The following BTBD9 variants were observed in gnomAD, a reference collection of about 807,000 sequenced individuals.
BTBD9 encodes BTB/POZ domain-containing protein 9.
BTBD9 carries 49 observed loss-of-function variants against 64.3 expected under a neutral mutation model. The observed-to-expected ratio is 0.76, with a 90% CI of 0.61 to 0.97. The LOEUF (loss-of-function observed/expected upper bound fraction) is 0.97. BTBD9 is among the 50% of genes least tolerant of loss of function. The probability of loss-of-function intolerance (pLI) is 0.00; values close to 1 mark genes in which losing one functional copy is unlikely to be tolerated. For missense variants in BTBD9, 598 were observed against 762.1 expected, an observed-to-expected ratio of 0.78 and a Z score of 2.53; for synonymous variants, 260 against 274.7, an observed-to-expected ratio of 0.95 and a Z score of 0.53.
intron 6 of BTBD9, among the ~76,000 whole-genome samples, chr6:38,563,311 T>C (rs533551643): frequency 2.6e-4 from 39 of 152,254 alleles, no homozygotes; most frequent in African/African-American, 8.2e-4. Context: ...AGCCTGTATC[T>C]AACAATGCTC....
intron 6 of BTBD9, among the ~76,000 whole-genome samples, chr6:38,498,340 A>T (rs141895635): frequency 6.6e-6 from 1 of 152,154 alleles, no homozygotes; most frequent in South Asian, 2.1e-4. Context: ...AATGCTAAGC[A>T]TATTTCTTCA....
At chr6:38,267,974 A>T (rs1251027918) in intron 8 of BTBD9, among the ~76,000 whole-genome samples, 1 of 152,160 alleles carries the variant, frequency 6.6e-6, no homozygotes, top group East Asian at 1.9e-4. Flanking sequence ...AAACCGAAGG[A>T]GAAATGAGGA....
intron 6 of BTBD9, among the ~76,000 whole-genome samples, chr6:38,418,171 T>C (rs1188951738): frequency 6.6e-6 from 1 of 152,234 alleles, no homozygotes; most frequent in Non-Finnish European, 1.5e-5. Flanking sequence ...ACAAAAGCAT[T>C]GGTATGAGAT....
chr6:38,580,502 A>C, intron 4 of BTBD9, 65 bp from the exon 5 acceptor site: 3 of 1,378,094 alleles, frequency 2.2e-6, no homozygotes, highest in Non-Finnish European at 3.0e-6. Flanking sequence ...TTTTGAAAAA[A>C]ATACAATTCT....
intron 6 of BTBD9, among the ~76,000 whole-genome samples, chr6:38,477,485 TA>T (rs138852357): frequency 1.9e-4 from 29 of 152,200 alleles, no homozygotes; most frequent in Non-Finnish European, 3.5e-4. Context: ...CCTTTATACC[TA>T]AAAAAGCTTG....
At chr6:38,626,601 C>T (rs1778176396) in intron 1 of BTBD9, among the ~76,000 whole-genome samples, 1 of 152,180 alleles carries the variant, frequency 6.6e-6, no homozygotes, top group African/African-American at 2.4e-5. Flanking sequence ...CCAGCTCCAC[C>T]TGAATTAGGT....
chr6:38,205,879 C>CGAAAAAAAAAAAAAAAAAAA (rs1762625649), intron 9 of BTBD9, among the ~76,000 whole-genome samples: 1 of 47,288 alleles, frequency 2.1e-5, no homozygotes, highest in Non-Finnish European at 3.8e-5. Context: ...GAGTCTGTCT[C>CGAAAAAAAAAAAAAAAAAAA]AAAAAAAAAA....
chr6:38,270,879 A>G (rs1023772872), intron 8 of BTBD9, among the ~76,000 whole-genome samples: 1 of 151,942 alleles, frequency 6.6e-6, no homozygotes, highest in Non-Finnish European at 1.5e-5. Flanking sequence ...AGGAGTCCCA[A>G]CTCTGACTCT....
chr6:38,616,222 C>A (rs1777783949), intron 1 of BTBD9, among the ~76,000 whole-genome samples: 1 of 152,124 alleles, frequency 6.6e-6, no homozygotes, highest in African/African-American at 2.4e-5. Context: ...CTGCTACCAA[C>A]CACTGAGCTT....
At chr6:38,328,977 T>C (rs1264392120) in intron 7 of BTBD9, among the ~76,000 whole-genome samples, 1 of 92,612 alleles carries the variant, frequency 1.1e-5, no homozygotes, top group African/African-American at 3.2e-5. Context: ...TATGTGTGTG[T>C]GTGTGTGTGT....
intron 10 of BTBD9, among the ~76,000 whole-genome samples, chr6:38,180,396 A>G (rs976166149): frequency 6.6e-6 from 1 of 152,180 alleles, no homozygotes; most frequent in Non-Finnish European, 1.5e-5. Flanking sequence ...GAGGAGGGTG[A>G]TGGCAGCTTG....
At chr6:38,279,615 C>G (rs16890541) in intron 8 of BTBD9, among the ~76,000 whole-genome samples, 17,435 of 152,046 alleles carry the variant, frequency 0.11, 1,119 homozygotes, top group African/African-American at 0.15. Flanking sequence ...TTTCTGTGAC[C>G]CCGTGTGGCC....
chr6:38,339,690 G>A (rs962853798), intron 7 of BTBD9, among the ~76,000 whole-genome samples: 2 of 152,082 alleles, frequency 1.3e-5, no homozygotes, highest in African/African-American at 2.4e-5. Flanking sequence ...AGAGAGGGCA[G>A]GAATAGAAGC....
intron 6 of BTBD9, among the ~76,000 whole-genome samples, chr6:38,556,540 TGTGTGTGTGTGA>T (rs1257036530): frequency 9.0e-5 from 5 of 55,562 alleles, no homozygotes; most frequent in East Asian, 8.6e-4. Context: ...TGTGTGTGTG[TGTGTGTGTGTGA>T]GAGAGAGAGA....
At chr6:38,256,839 C>T (rs1386750440) in intron 8 of BTBD9, among the ~76,000 whole-genome samples, 1 of 152,182 alleles carries the variant, frequency 6.6e-6, no homozygotes, top group Non-Finnish European at 1.5e-5. Context: ...CCAGTTGGCT[C>T]GGCTGACCAC....
intron 6 of BTBD9, among the ~76,000 whole-genome samples, chr6:38,503,956 T>C (rs538254318): frequency 6.6e-6 from 1 of 152,344 alleles, no homozygotes; most frequent in African/African-American, 2.4e-5. Context: ...TGCTTTATTG[T>C]CTCCATTGCT....
At chr6:38,249,078 A>G (rs1211679101) in intron 9 of BTBD9, among the ~76,000 whole-genome samples, 1 of 152,224 alleles carries the variant, frequency 6.6e-6, no homozygotes, top group Non-Finnish European at 1.5e-5. Flanking sequence ...CATCTGCAAC[A>G]TTAGATACTA....
chr6:38,382,273 T>C (rs1028229697), intron 6 of BTBD9, among the ~76,000 whole-genome samples: 1 of 152,154 alleles, frequency 6.6e-6, no homozygotes. Flanking sequence ...ATAAGAACCT[T>C]AATCTCAACT....
intron 7 of BTBD9, among the ~76,000 whole-genome samples, chr6:38,339,447 C>A (rs1764019590): frequency 6.6e-6 from 1 of 151,252 alleles, no homozygotes; most frequent in African/African-American, 2.4e-5. Context: ...ACAGCCTGGG[C>A]AATAGAGCAA....
Sources: allele counts gnomAD v4.1 joint callset (sites outside exome capture counted in the v4.1 genomes callset), GRCh38; gene constraint gnomAD v4.1.1; transcripts MANE v1.5; gene names NCBI Gene and HGNC (gene_info 2026-07-23, HGNC 2026-07-21).